Variants in PRKG1 observed in about 807,000 individuals in gnomAD.
PRKG1 encodes the protein cGMP-dependent protein kinase 1.
Under a neutral mutation model 88.1 loss-of-function variants are expected in PRKG1, and 35 were observed. The ratio of observed to expected loss-of-function variants is 0.40; its 90% CI spans 0.30 to 0.53. The LOEUF (loss-of-function observed/expected upper bound fraction) is 0.53. PRKG1 is among the 20% of genes least tolerant of loss of function. The pLI, the probability that PRKG1 is intolerant of heterozygous loss-of-function variation, is 0.59. For missense variants in PRKG1, 540 were observed against 839.8 expected (o/e 0.64, Z 4.41); for synonymous variants, 303 against 292.5 (o/e 1.04, Z -0.37).
At chr10:51,350,786 T>C (rs1050692637) in intron 2 of PRKG1, among the ~76,000 whole-genome samples, 2 of 152,186 alleles carry the variant, frequency 1.3e-5, no homozygotes, top group Non-Finnish European at 2.9e-5. Flanking sequence ...TTTAATATAC[T>C]TTAAGTTCTG....
At chr10:52,203,623 T>A (rs1839733707) in intron 9 of PRKG1, among the ~76,000 whole-genome samples, 2 of 152,224 alleles carry the variant, frequency 1.3e-5, no homozygotes, top group Non-Finnish European at 2.9e-5. Flanking sequence ...TGTAGAAGTC[T>A]CCCACTATTA....
At chr10:51,299,478 T>C (rs1048133357) in intron 2 of PRKG1, 11 of 454,460 alleles carry the variant, frequency 2.4e-5, no homozygotes, top group East Asian at 1.5e-4. Context: ...AGTGCTGAGA[T>C]TGCAGGTGTG....
chr10:51,766,732 A>G (rs1269262069), intron 3 of PRKG1, among the ~76,000 whole-genome samples: 4 of 152,060 alleles, frequency 2.6e-5, no homozygotes, highest in Non-Finnish European at 4.4e-5. Flanking sequence ...CTACTTACCT[A>G]GCAAAGATCG....
At chr10:51,208,839 C>T (rs968791155) in intron 2 of PRKG1, among the ~76,000 whole-genome samples, 6 of 152,088 alleles carry the variant, frequency 3.9e-5, no homozygotes, top group African/African-American at 9.7e-5. Flanking sequence ...CTACCTGCCT[C>T]GAATGGAATA....
At chr10:51,237,355 A>T (rs1589268632) in intron 2 of PRKG1, among the ~76,000 whole-genome samples, 1 of 152,210 alleles carries the variant, frequency 6.6e-6, no homozygotes, top group Non-Finnish European at 1.5e-5. Context: ...GGCTCTAGGG[A>T]CACATGCTCC....
chr10:51,194,154 A>T (rs946602260), intron 2 of PRKG1, among the ~76,000 whole-genome samples: 1 of 152,100 alleles, frequency 6.6e-6, no homozygotes. Context: ...AAAAAACCAC[A>T]TCTATTATTC....
At chr10:52,164,486 C>T (rs1405730999) in intron 9 of PRKG1, among the ~76,000 whole-genome samples, 1 of 152,008 alleles carries the variant, frequency 6.6e-6, no homozygotes, top group African/African-American at 2.4e-5. Context: ...ATCAATTTTA[C>T]TTGGACAAGA....
intron 2 of PRKG1, among the ~76,000 whole-genome samples, chr10:51,230,420 G>A (rs1838812911): frequency 6.6e-6 from 1 of 152,018 alleles, no homozygotes; most frequent in South Asian, 2.1e-4. Context: ...CTTACTGTTG[G>A]TATTTTTACC....
intron 1 of PRKG1, among the ~76,000 whole-genome samples, chr10:51,137,575 A>G (rs1023403537): frequency 4.6e-5 from 7 of 152,170 alleles, no homozygotes; most frequent in African/African-American, 9.7e-5. Context: ...CCTCACTGAT[A>G]CCAGTATAAT....
chr10:51,177,838 TA>T (rs1345942135), intron 2 of PRKG1, among the ~76,000 whole-genome samples: 1 of 152,024 alleles, frequency 6.6e-6, no homozygotes, highest in South Asian at 2.1e-4. Flanking sequence ...TATATTTAAT[TA>T]TTTTTAGAAA....
intron 5 of PRKG1, among the ~76,000 whole-genome samples, chr10:52,018,333 T>C (rs887197967): frequency 1.3e-5 from 2 of 152,214 alleles, no homozygotes; most frequent in Non-Finnish European, 2.9e-5. Flanking sequence ...GATAAGCATG[T>C]TCATGGACAC....
intron 1 of PRKG1, among the ~76,000 whole-genome samples, chr10:51,060,408 A>G (rs1232374809): frequency 6.6e-6 from 1 of 151,808 alleles, no homozygotes; most frequent in Non-Finnish European, 1.5e-5. Flanking sequence ...ACTTTAATGA[A>G]TCTATTACTT....
intron 3 of PRKG1, among the ~76,000 whole-genome samples, chr10:51,468,625 G>A (rs1426976689): frequency 6.6e-6 from 1 of 151,780 alleles, no homozygotes; most frequent in Non-Finnish European, 1.5e-5. Flanking sequence ...TTAGGCAAAC[G>A]TGTGTATTTC....
At chr10:51,919,372 G>A (rs1006018664) in intron 5 of PRKG1, among the ~76,000 whole-genome samples, 1 of 152,130 alleles carries the variant, frequency 6.6e-6, no homozygotes, top group Admixed American at 6.5e-5. Context: ...CATGTTCTAC[G>A]TGTTCCCTTA....
At position 51,801,928 on chromosome 10, in the gene PRKG1, C is replaced by A. The variant is rs79921354; in HGVS notation, c.593-2657C>A. On this transcript the variant is annotated intron_variant, in intron 3 of 17. Transcript: ENST00000373980. ...ACTTGAACAAAAAGGAAAATCACTTCCCAGCACTGTCTCAGCTTTATACCC... is the reference window on the plus strand; with the variant it reads ...ACTTGAACAAAAAGGAAAATCACTTACCAGCACTGTCTCAGCTTTATACCC... Among the ~76,000 whole-genome samples, 812 of 152,246 alleles carry A rather than the reference C, an allele frequency of 5.3e-3. 4 individuals carry two copies. The highest frequency in any genetic ancestry group is 0.019 in the African/African-American group (780 of 41,556).
chr10:51,579,225 G>A (rs1007674694), intron 3 of PRKG1, among the ~76,000 whole-genome samples: 37 of 151,796 alleles, frequency 2.4e-4, no homozygotes, highest in Admixed American at 1.1e-3. Flanking sequence ...CTAGTGATCT[G>A]CCCACCTTGG....
At chr10:52,176,449 G>A (rs531957652) in intron 9 of PRKG1, among the ~76,000 whole-genome samples, 9 of 152,086 alleles carry the variant, frequency 5.9e-5, no homozygotes, top group African/African-American at 2.2e-4. Flanking sequence ...CTGGCAGTGT[G>A]ATGCCTTCAG....
intron 3 of PRKG1, among the ~76,000 whole-genome samples, chr10:51,748,575 A>C (rs1218032317): frequency 6.6e-6 from 1 of 152,204 alleles, no homozygotes; most frequent in Non-Finnish European, 1.5e-5. Context: ...GCATTTCAAT[A>C]ATTAAAAAAG....
At chr10:51,928,491 T>G (rs1204334900) in intron 5 of PRKG1, among the ~76,000 whole-genome samples, 2 of 152,222 alleles carry the variant, frequency 1.3e-5, no homozygotes, top group African/African-American at 2.4e-5. Flanking sequence ...GAAAAGAAGC[T>G]ATTTGTAAGA....
Sources: allele counts gnomAD v4.1 joint callset (sites outside exome capture counted in the v4.1 genomes callset), GRCh38; gene constraint gnomAD v4.1.1; transcripts MANE v1.5; gene names NCBI Gene and HGNC (gene_info 2026-07-23, HGNC 2026-07-21).